The following CMSS1 variants were observed in gnomAD, a reference collection of about 807,000 sequenced individuals.
The protein encoded by CMSS1 is cms1 ribosomal small subunit homolog.
In CMSS1, 33 loss-of-function variants were observed where a neutral mutation model predicts 43.5. That is an observed-to-expected ratio of 0.76 (90% confidence interval 0.57 to 1.01). The LOEUF is 1.01. Ranked by LOEUF, CMSS1 falls within the 50% of genes least tolerant of loss-of-function variation. The pLI is 0.00. For missense variants in CMSS1, 313 were observed against 326.4 expected (o/e 0.96, Z 0.32); for synonymous variants, 115 against 117.2 (o/e 0.98, Z 0.12).
chr3:99,998,280 A>G (rs1424181221), intron 1 of CMSS1, among the ~76,000 whole-genome samples: 1 of 152,252 alleles, frequency 6.6e-6, no homozygotes, highest in East Asian at 1.9e-4. Context: ...CCTAATTTAG[A>G]TCTGAAAATG....
chr3:100,119,522 T>G (rs1454260394), intron 1 of CMSS1, among the ~76,000 whole-genome samples: 4 of 152,298 alleles, frequency 2.6e-5, no homozygotes. Flanking sequence ...GGGTGCAGAG[T>G]GCACCTTCCA....
chr3:99,908,732 A>G (rs1706699279), intron 1 of CMSS1, among the ~76,000 whole-genome samples: 1 of 152,226 alleles, frequency 6.6e-6, no homozygotes, highest in Non-Finnish European at 1.5e-5. Context: ...TGTGCTTAGC[A>G]CAGTGTTTGA....
intron 1 of CMSS1, among the ~76,000 whole-genome samples, chr3:99,980,709 T>TTGCACC (rs1377076557): frequency 6.6e-6 from 1 of 152,200 alleles, no homozygotes; most frequent in Non-Finnish European, 1.5e-5. Flanking sequence ...TTGGCAGAGC[T>TTGCACC]TGCACCCTGC....
chr3:99,929,837 C>G lies in CMSS1; in HGVS notation c.64+111794C>G, dbSNP rs1023553925. On this transcript the variant is annotated intron_variant, in intron 1 of 9. Coordinates refer to ENST00000421999, the MANE Select transcript of CMSS1 (RefSeq NM_032359.4). ...TGCTTGGCTGCCTCCCAGGTACACA[C>G]CCCTATTGTGGTACATACCTCATTC... is the stretch of plus-strand genomic sequence containing the variant. The G allele has an allele frequency of 4.4e-6, 7 of 1,595,850 alleles. No individual in the cohort carries two copies. In the Admixed American group the frequency reaches 1.0e-4, roughly 24 times the overall value.
In CMSS1 at chr3:100,146,849, G is replaced by A. The variant is rs541065279; in HGVS notation, c.65-124G>A. ...GTTTTACTTTGGACCATTTCCTTAA[G>A]TGCAGCTTCTTTGAGGTAGAATTAA... On this transcript the variant is annotated intron_variant, in intron 1 of 9. Coordinates refer to ENST00000421999, the MANE Select transcript of CMSS1 (RefSeq NM_032359.4). 8.1e-6 allele frequency: 10 copies of A among 1,234,292 alleles called. No individual in the cohort carries two copies. The East Asian group carries it at 2.1e-4, about 26-fold the overall frequency. The allele number at this position is 1,234,292 out of a possible 1,614,324, so 76.5% of individuals were successfully genotyped here.
chr3:100,147,256 ATTCTTT>A (rs1401682283), intron 2 of CMSS1, among the ~76,000 whole-genome samples, 195 bp downstream of exon 2: 3 of 141,442 alleles, frequency 2.1e-5, no homozygotes, highest in Non-Finnish European at 3.1e-5. Flanking sequence ...TTTTGCCCTA[ATTCTTT>A]TTCTTTTTTT....
At chr3:99,915,819 T>C (rs1227449030) in intron 1 of CMSS1, among the ~76,000 whole-genome samples, 1 of 152,200 alleles carries the variant, frequency 6.6e-6, no homozygotes, top group African/African-American at 2.4e-5. Flanking sequence ...ATTGCACTTA[T>C]TGATGTTATG....
intron 1 of CMSS1, among the ~76,000 whole-genome samples, chr3:99,841,896 C>T (rs944519337): frequency 1.3e-5 from 2 of 152,096 alleles, no homozygotes; most frequent in East Asian, 3.9e-4. Context: ...AGAATGTAAA[C>T]TAGTACGAGC....
chr3:100,127,531 T>C (rs192764283), intron 1 of CMSS1, among the ~76,000 whole-genome samples: 125 of 152,322 alleles, frequency 8.2e-4, no homozygotes, highest in African/African-American at 2.8e-3. Flanking sequence ...CCTCAGTGTC[T>C]CAGTATCATC....
At position 100,021,948 on chromosome 3, in the gene CMSS1, TGTGTGTGTGTGTGAGAGAGAGAGA is replaced by T. The variant is rs1479304170; in HGVS notation, c.65-125023_65-125000del. 8.5e-5 allele frequency among the ~76,000 whole-genome samples: 11 copies of T among 129,566 alleles called. No homozygotes were observed. In the South Asian group the frequency reaches 2.2e-3, roughly 26 times the overall value. 85.0% of individuals were successfully genotyped at this position (129,566 alleles called of 152,430 possible). ...GTGTGTGTGTGTGTGTGTGTGTGTG[TGTGTGTGTGTGTGAGAGAGAGAGA>T]GAGAGAGAGAGAGAGAGAGAGATAT... On this transcript the variant is annotated intron_variant, in intron 1 of 9. Transcript: ENST00000421999.
chr3:100,106,360 C>G (rs1408227451), intron 1 of CMSS1, among the ~76,000 whole-genome samples: 1 of 152,168 alleles, frequency 6.6e-6, no homozygotes, highest in Non-Finnish European at 1.5e-5. Context: ...GTAACCTAAT[C>G]TGGATCTGTT....
chr3:100,178,074 A>G (rs2067162343), intron 9 of CMSS1, among the ~76,000 whole-genome samples: 1 of 152,208 alleles, frequency 6.6e-6, no homozygotes, highest in African/African-American at 2.4e-5. Context: ...AGCCGAGATC[A>G]CGCCACTGCA....
intron 1 of CMSS1, among the ~76,000 whole-genome samples, chr3:99,913,476 T>G (rs1261687789): frequency 6.6e-6 from 1 of 152,192 alleles, no homozygotes; most frequent in Admixed American, 6.5e-5. Flanking sequence ...TTGAAGTTAC[T>G]GAGAATCAAT....
intron 1 of CMSS1, among the ~76,000 whole-genome samples, chr3:100,117,878 T>TACACATATATATATATATATATAC (rs2066589464): frequency 7.7e-6 from 1 of 129,082 alleles, no homozygotes; most frequent in Non-Finnish European, 1.6e-5. Context: ...TATATATATA[T>TACACATATATATATATATATATAC]ACACATACAA....
chr3:100,074,667 A>C (rs1280505925), intron 1 of CMSS1, among the ~76,000 whole-genome samples: 1 of 82,074 alleles, frequency 1.2e-5, no homozygotes, highest in East Asian at 4.3e-4. Flanking sequence ...ATGCATGTGC[A>C]ACATTTGATT....
chr3:99,849,600 C>G, intron 1 of CMSS1: 1 of 1,613,476 alleles, frequency 6.2e-7, no homozygotes, highest in Non-Finnish European at 8.5e-7. Flanking sequence ...TGGTCTCTGT[C>G]TTTTCTGCTA....
intron 1 of CMSS1, among the ~76,000 whole-genome samples, chr3:99,998,004 T>C (rs1709732171): frequency 6.6e-6 from 1 of 152,226 alleles, no homozygotes; most frequent in African/African-American, 2.4e-5. Flanking sequence ...TGCTAGAGCA[T>C]AGAGCTAAAA....
chr3:99,997,514 C>T (rs184580242), intron 1 of CMSS1, among the ~76,000 whole-genome samples: 12 of 152,286 alleles, frequency 7.9e-5, no homozygotes, highest in East Asian at 3.9e-4. Context: ...ATCTTGGCTA[C>T]GCATTAGAAT....
chr3:99,832,698 G>A (rs1479379710), intron 1 of CMSS1, among the ~76,000 whole-genome samples: 4 of 137,186 alleles, frequency 2.9e-5, no homozygotes, highest in Admixed American at 1.4e-4. Flanking sequence ...CAAAACAGCC[G>A]GGCGTCGTGG....
Sources: allele counts gnomAD v4.1 joint callset (sites outside exome capture counted in the v4.1 genomes callset), GRCh38; gene constraint gnomAD v4.1.1; transcripts MANE v1.5; gene names NCBI Gene and HGNC (gene_info 2026-07-23, HGNC 2026-07-21).